MARK2: variants seen among roughly 807,000 people sequenced by gnomAD.
The protein encoded by MARK2 is microtubule affinity regulating kinase 2, also known as serine/threonine-protein kinase MARK2.
MARK2 carries 16 observed loss-of-function variants against 89.8 expected under a neutral mutation model. That is an observed-to-expected ratio of 0.18 (90% CI 0.12 to 0.27). MARK2 has a LOEUF of 0.27. MARK2 is among the 10% of genes least tolerant of loss of function. The pLI, the probability that MARK2 is intolerant of heterozygous loss-of-function variation, is 1.00. For synonymous variants in MARK2, 382 were observed against 399.5 expected (o/e 0.96, Z 0.52); for missense variants, 621 against 1,049.9 (o/e 0.59, Z 5.65).
intron 1 of MARK2, among the ~76,000 whole-genome samples, chr11:63,886,927 C>T (rs959718164): frequency 6.6e-6 from 1 of 152,270 alleles, no homozygotes; most frequent in Non-Finnish European, 1.5e-5. Context: ...TGCTCTGGTT[C>T]TCAGTCTACC....
At chr11:63,844,157 G>A (rs1241392417) in intron 1 of MARK2, among the ~76,000 whole-genome samples, 1 of 152,174 alleles carries the variant, frequency 6.6e-6, no homozygotes, top group Non-Finnish European at 1.5e-5. Flanking sequence ...CTTTGAATCT[G>A]AAAAGTAACT....
intron 1 of MARK2, among the ~76,000 whole-genome samples, chr11:63,859,783 C>T (rs1364299733): frequency 6.6e-6 from 1 of 151,990 alleles, no homozygotes; most frequent in African/African-American, 2.4e-5. Flanking sequence ...GGGTGCGTGC[C>T]ACCATGCCCG....
chr11:63,901,124 C>A, intron 11 of MARK2, 55 bp downstream of exon 11: 3 of 1,155,838 alleles, frequency 2.6e-6, no homozygotes, highest in Non-Finnish European at 3.9e-6. Flanking sequence ...TCTGTAGCAC[C>A]TATGCTTCTA....
intron 1 of MARK2, among the ~76,000 whole-genome samples, chr11:63,878,997 T>G (rs1299851257): frequency 6.6e-6 from 1 of 152,148 alleles, no homozygotes; most frequent in Non-Finnish European, 1.5e-5. Context: ...CATTTGCCTG[T>G]GGAAGTGTCT....
intron 11 of MARK2, 22 bp downstream of exon 11, chr11:63,901,091 C>A (rs769063259): frequency 1.3e-6 from 2 of 1,510,270 alleles, no homozygotes; most frequent in East Asian, 4.5e-5. Context: ...CCGCCCCATT[C>A]TCTGACCTGG....
intron 1 of MARK2, among the ~76,000 whole-genome samples, chr11:63,861,447 CAAG>C (rs1937776370): frequency 6.6e-6 from 1 of 151,962 alleles, no homozygotes; most frequent in Admixed American, 6.6e-5. Context: ...AAAAAAAAAA[CAAG>C]AATTTTAATT....
chr11:63,904,743 G>A lies in MARK2; in HGVS notation c.1677-43G>A. The stretch of plus-strand genomic sequence containing the variant: ...CCAGGTGCCCAGTGATGGCTGTCCT[G>A]TACCCTAATTCGTCCCCCTCAACCC... On this transcript the variant is annotated intron_variant, in intron 15 of 18. Coordinates refer to ENST00000402010, the MANE Select transcript of MARK2 (RefSeq NM_001039469.3). This position sits in a 1 kb window ranked among gnomAD's most constrained non-coding sequence, Gnocchi z 6.3. The A allele has an allele frequency of 6.3e-7, 1 of 1,594,402 alleles. No homozygotes were observed. Among genetic ancestry groups the A allele is most frequent in the Non-Finnish European group, 8.6e-7 (1 of 1,165,070 alleles).
intron 1 of MARK2, among the ~76,000 whole-genome samples, chr11:63,841,885 G>A (rs536990277): frequency 6.6e-4 from 100 of 152,302 alleles, no homozygotes; most frequent in African/African-American, 2.3e-3. Context: ...GCATACTGCT[G>A]AGCATATAGT....
intron 1 of MARK2, among the ~76,000 whole-genome samples, chr11:63,891,571 A>G (rs1939861114): frequency 6.6e-6 from 1 of 152,236 alleles, no homozygotes; most frequent in African/African-American, 2.4e-5. Context: ...CTGCAGGTAG[A>G]TGCTAAATCC....
In MARK2 at chr11:63,910,068, C is replaced by T. The variant is rs779774202; in HGVS notation, c.*831C>T. On this transcript the variant is annotated 3_prime_UTR_variant, in exon 19 of 19. Coordinates refer to ENST00000402010, the MANE Select transcript of MARK2 (RefSeq NM_001039469.3). ...CTCCCGGGTAGAAGGAGGGGCTGAC[C>T]CCAGGGCTGGGAGAGGGGAGGGGAC... 5.2e-5 allele frequency: 8 copies of T among 152,408 alleles called. No homozygotes were observed. Among genetic ancestry groups the T allele is most frequent in the Non-Finnish European group, 1.2e-4 (8 of 68,186 alleles). The allele number at this position is 152,408 out of a possible 1,614,324, so 9.4% of individuals were successfully genotyped here. A position where few individuals can be genotyped will look rare whatever the true frequency, so the allele number is the denominator to read the frequency against.
intron 1 of MARK2, among the ~76,000 whole-genome samples, chr11:63,854,019 C>T (rs1457338282): frequency 6.6e-6 from 1 of 151,080 alleles, no homozygotes; most frequent in African/African-American, 2.4e-5. Context: ...ATTACAGGCA[C>T]CTGCCACCAC....
chr11:63,896,370 G>A (rs1008271869), intron 3 of MARK2, among the ~76,000 whole-genome samples: 4 of 152,262 alleles, frequency 2.6e-5, no homozygotes, highest in African/African-American at 9.6e-5. Flanking sequence ...ACAAGAATAA[G>A]AGGAAGCAGG....
At chr11:63,906,895 C>T (rs1941386726) in intron 17 of MARK2, among the ~76,000 whole-genome samples, 1 of 151,464 alleles carries the variant, frequency 6.6e-6, no homozygotes, top group African/African-American at 2.4e-5. Context: ...CTGTTTTCTC[C>T]AGATATGGCC....
In MARK2 at chr11:63,910,652, ATTTTTTTTT is replaced by A; in HGVS notation, c.*1421_*1429del. On this transcript the variant is annotated 3_prime_UTR_variant, in exon 19 of 19. Coordinates refer to ENST00000402010, the MANE Select transcript of MARK2 (RefSeq NM_001039469.3). The stretch of plus-strand genomic sequence containing the variant: ...GTTTTATTTTTTATTATTTTATTTT[ATTTTTTTTT>A]TTTTTGATTTATGATGACTCCACCC... 1 of 137,440 alleles carries A rather than the reference ATTTTTTTTT, an allele frequency of 7.3e-6. No individual in the cohort carries two copies. Among genetic ancestry groups the A allele is most frequent in the African/African-American group, 2.7e-5 (1 of 37,566 alleles). The allele number at this position is 137,440 out of a possible 1,614,324, so 8.5% of individuals were successfully genotyped here.
At chr11:63,908,841 G>GCC (rs56263226) in intron 18 of MARK2, 36 bp from the exon 19 acceptor site, 479 of 1,410,190 alleles carry the variant, frequency 3.4e-4, no homozygotes, top group South Asian at 5.4e-4. Context: ...GGGTGCCTCA[G>GCC]CCCCCCCGTG....
rs1239577380 is a variant in MARK2, at chr11:63,901,050, TG to T, written c.1085del (p.Gly362AlafsTer14). The T allele has an allele frequency of 6.2e-7, 1 of 1,613,488 alleles. No homozygotes were observed. The highest frequency in any genetic ancestry group is 1.3e-5 in the African/African-American group (1 of 74,918). On this transcript the variant is annotated frameshift_variant, in exon 11 of 19. Transcript: ENST00000402010. LOFTEE classifies it high-confidence loss of function. ...GAGGTGATGGCCACCTATCTGCTCC[TG>T]GGCTACAAGAGCTCCGAGGTGTGTG... ...YNEVMATYLL[L>X]GYKSSELEGD... is the part of the protein sequence containing the mutation.
intron 1 of MARK2, chr11:63,868,696 C>T (rs942533281): frequency 1.1e-5 from 5 of 446,640 alleles, no homozygotes; most frequent in East Asian, 7.0e-5. Context: ...CTGACACCAA[C>T]GTGTCTGCCT....
In MARK2 at chr11:63,902,181, TTTTCTG is replaced by T. The variant is rs1565143111; in HGVS notation, c.1102-11_1102-6del. 6.2e-7 allele frequency: 1 copy of T among 1,613,462 alleles called. No homozygotes were observed. The highest frequency in any genetic ancestry group is 2.2e-5 in the East Asian group (1 of 44,836). On this transcript the variant is annotated splice_polypyrimidine_tract_variant and intron_variant, in intron 11 of 18. Coordinates refer to ENST00000402010, the MANE Select transcript of MARK2 (RefSeq NM_001039469.3). This position sits in a 1 kb window ranked among gnomAD's most constrained non-coding sequence, Gnocchi z 4.2. The stretch of plus-strand genomic sequence containing the variant: ...TGACTTCTGCCCTCCCTTGAAGCTG[TTTTCTG>T]TTTCTTTCAGCTGGAAGGCGACACC...
At chr11:63,861,643 GTATCTTTAGC>G (rs1465957268) in intron 1 of MARK2, among the ~76,000 whole-genome samples, 1 of 151,676 alleles carries the variant, frequency 6.6e-6, no homozygotes, top group African/African-American at 2.4e-5. Flanking sequence ...CTGAGGCTGT[GTATCTTTAGC>G]TACAGACAGA....
Sources: allele counts gnomAD v4.1 joint callset (sites outside exome capture counted in the v4.1 genomes callset), GRCh38; gene constraint gnomAD v4.1.1; non-coding constraint Gnocchi (gnomAD v3.1); transcripts MANE v1.5; gene names NCBI Gene and HGNC (gene_info 2026-07-23, HGNC 2026-07-21).